MACROD2: variants seen among roughly 807,000 people sequenced by gnomAD.
MACROD2 encodes the protein ADP-ribose glycohydrolase MACROD2.
MACROD2 carries 36 observed loss-of-function variants against 70.4 expected under a neutral mutation model. The observed-to-expected ratio is 0.51, with a 90% CI of 0.39 to 0.68. The LOEUF is 0.68. Among genes scored for constraint, MACROD2 ranks in the 30% least tolerant of loss-of-function variants. MACROD2 has a pLI of 0.00. For synonymous variants in MACROD2, 172 were observed against 178.8 expected (o/e 0.96, Z 0.30); for missense variants, 496 against 538.4 (o/e 0.92, Z 0.78).
At chr20:15,935,552 A>T (rs890816111) in intron 11 of MACROD2, among the ~76,000 whole-genome samples, 1 of 152,210 alleles carries the variant, frequency 6.6e-6, no homozygotes, top group African/African-American at 2.4e-5. Flanking sequence ...AATTTTGATT[A>T]TATAGCTCTG....
At chr20:15,013,119 C>CT (rs1390940854) in intron 5 of MACROD2, among the ~76,000 whole-genome samples, 2 of 152,166 alleles carry the variant, frequency 1.3e-5, no homozygotes, top group African/African-American at 4.8e-5. Context: ...TAGAACCCCT[C>CT]TTTCTCCTCG....
intron 5 of MACROD2, among the ~76,000 whole-genome samples, chr20:14,913,161 T>C (rs1225311089): frequency 6.6e-6 from 1 of 152,146 alleles, no homozygotes; most frequent in Non-Finnish European, 1.5e-5. Context: ...ATGTACATGA[T>C]AGAAAGATCC....
chr20:15,642,934 T>G (rs533587601), intron 8 of MACROD2, among the ~76,000 whole-genome samples: 1 of 152,344 alleles, frequency 6.6e-6, no homozygotes, highest in Admixed American at 6.5e-5. Context: ...ACTTCCTGTT[T>G]ATATTCAACC....
intron 4 of MACROD2, among the ~76,000 whole-genome samples, chr20:14,587,382 T>C (rs979346726): frequency 4.6e-5 from 7 of 151,798 alleles, no homozygotes; most frequent in African/African-American, 1.4e-4. Context: ...ATTTTCACAA[T>C]TTTTCAATGA....
At position 15,687,007 on chromosome 20, in the gene MACROD2, CTT is replaced by C. The variant is rs112312068; in HGVS notation, c.646-175729_646-175728del. On this transcript the variant is annotated intron_variant, in intron 8 of 17. Coordinates refer to ENST00000684519, the MANE Select transcript of MACROD2 (RefSeq NM_001351661.2). Reference sequence around the variant, plus strand: ...TCTAAAGCTAGTTTCTTTTTTTTTTCTTTTTTTTTTGCATTTTTTTCCATTCT... The same window carrying C: ...TCTAAAGCTAGTTTCTTTTTTTTTTCTTTTTTTTGCATTTTTTTCCATTCT... Among the ~76,000 whole-genome samples the C allele has an allele frequency of 4.9e-5, 6 of 122,186 alleles. No homozygotes were observed. The Admixed American group carries it at 4.9e-4, about 10-fold the overall frequency. The allele number at this position is 122,186 out of a possible 152,430, so 80.2% of individuals were successfully genotyped here. A position where few individuals can be genotyped will look rare whatever the true frequency, so the allele number is the denominator to read the frequency against.
At chr20:15,087,076 A>T (rs1217684650) in intron 5 of MACROD2, among the ~76,000 whole-genome samples, 1 of 151,960 alleles carries the variant, frequency 6.6e-6, no homozygotes, top group East Asian at 1.9e-4. Flanking sequence ...AATACCTATC[A>T]TCTATTTATG....
chr20:14,726,675 CT>C (rs1339048073), intron 5 of MACROD2, among the ~76,000 whole-genome samples: 2 of 152,160 alleles, frequency 1.3e-5, no homozygotes, highest in Non-Finnish European at 2.9e-5. Context: ...TATTGTCTTG[CT>C]TTTAACTACT....
At chr20:14,441,106 G>A (rs927936011) in intron 3 of MACROD2, among the ~76,000 whole-genome samples, 18 of 152,154 alleles carry the variant, frequency 1.2e-4, no homozygotes, top group Non-Finnish European at 2.6e-4. Flanking sequence ...TGAATTTGGG[G>A]TGATCTTATG....
intron 5 of MACROD2, among the ~76,000 whole-genome samples, chr20:14,702,326 C>A (rs2071205782): frequency 6.6e-6 from 1 of 151,328 alleles, no homozygotes; most frequent in African/African-American, 2.4e-5. Context: ...TCTTTTCAGT[C>A]TCATTCTTTC....
At chr20:15,142,611 A>C (rs1483828243) in intron 5 of MACROD2, among the ~76,000 whole-genome samples, 2 of 151,974 alleles carry the variant, frequency 1.3e-5, no homozygotes, top group Non-Finnish European at 2.9e-5. Context: ...TGCTGCACCC[A>C]TTAACTCGTC....
intron 8 of MACROD2, among the ~76,000 whole-genome samples, chr20:15,823,781 G>A (rs1244495790): frequency 1.3e-5 from 2 of 152,160 alleles, no homozygotes; most frequent in Non-Finnish European, 2.9e-5. Context: ...ATGTCCTCGT[G>A]TCAGACGGGG....
chr20:15,403,067 A>C (rs1206545726), intron 6 of MACROD2, among the ~76,000 whole-genome samples: 1 of 152,042 alleles, frequency 6.6e-6, no homozygotes. Flanking sequence ...CCTGGGTTCA[A>C]GCGATTCTCC....
chr20:15,729,831 C>CTTTGTTTTTTTTTTTTTT (rs2050918720), intron 8 of MACROD2, among the ~76,000 whole-genome samples: 2 of 64,772 alleles, frequency 3.1e-5, no homozygotes, highest in Non-Finnish European at 5.6e-5. Context: ...TTGGGTCATG[C>CTTTGTTTTTTTTTTTTTT]TTTTTTTTTT....
At chr20:15,394,849 C>T (rs1394157906) in intron 6 of MACROD2, among the ~76,000 whole-genome samples, 1 of 152,178 alleles carries the variant, frequency 6.6e-6, no homozygotes, top group Non-Finnish European at 1.5e-5. Flanking sequence ...GGCTCAGTGA[C>T]AGAAACTTGA....
intron 15 of MACROD2, among the ~76,000 whole-genome samples, chr20:16,011,528 G>A (rs66544354): frequency 0.093 from 14,195 of 152,216 alleles, 653 homozygotes; most frequent in East Asian, 0.13. Flanking sequence ...ATTTATTTGG[G>A]GGAATGCAAG....
At chr20:14,357,583 A>C (rs1398210724) in intron 3 of MACROD2, among the ~76,000 whole-genome samples, 1 of 152,236 alleles carries the variant, frequency 6.6e-6, no homozygotes, top group African/African-American at 2.4e-5. Context: ...GATTCTACTC[A>C]CAAATATTTC....
chr20:15,876,374 T>C (rs113835254), intron 9 of MACROD2, among the ~76,000 whole-genome samples: 2,800 of 152,110 alleles, frequency 0.018, 100 homozygotes, highest in African/African-American at 0.064. Flanking sequence ...TTTGTTTTTT[T>C]GTCCTTGCGA....
chr20:15,001,422 G>T (rs2074994502), intron 5 of MACROD2, among the ~76,000 whole-genome samples: 2 of 152,154 alleles, frequency 1.3e-5, no homozygotes, highest in South Asian at 4.1e-4. Context: ...TTGGCTAAGA[G>T]GTGTCATCTC....
At chr20:15,683,259 A>G (rs1375582966) in intron 8 of MACROD2, among the ~76,000 whole-genome samples, 1 of 152,204 alleles carries the variant, frequency 6.6e-6, no homozygotes, top group Non-Finnish European at 1.5e-5. Context: ...TGTATAATGC[A>G]ATGCCTCTTT....
Sources: allele counts gnomAD v4.1 joint callset (sites outside exome capture counted in the v4.1 genomes callset), GRCh38; gene constraint gnomAD v4.1.1; transcripts MANE v1.5; gene names NCBI Gene and HGNC (gene_info 2026-07-23, HGNC 2026-07-21).